CDH4: variants seen among roughly 807,000 people sequenced by gnomAD.
CDH4 encodes cadherin-4.
Under a neutral mutation model 86.0 loss-of-function variants are expected in CDH4, and 33 were observed. The observed-to-expected ratio is 0.38, with a 90% CI of 0.29 to 0.51. CDH4 has a LOEUF of 0.51. CDH4 is among the 20% of genes least tolerant of loss of function. The probability of loss-of-function intolerance (pLI) is 0.86; values close to 1 mark genes in which losing one functional copy is unlikely to be tolerated. For synonymous variants in CDH4, 555 were observed against 549.4 expected (o/e 1.01, Z -0.14); for missense variants, 1,114 against 1,307.4 (o/e 0.85, Z 2.28).
intron 2 of CDH4, among the ~76,000 whole-genome samples, chr20:61,498,651 ATC>A (rs746891003): frequency 6.6e-6 from 1 of 152,202 alleles, no homozygotes; most frequent in South Asian, 2.1e-4. Context: ...GATCTCCAGA[ATC>A]TCTGTCCAGG....
At chr20:61,646,330 C>T (rs1423401950) in intron 2 of CDH4, among the ~76,000 whole-genome samples, 11 of 152,182 alleles carry the variant, frequency 7.2e-5, no homozygotes, top group Admixed American at 4.6e-4. Flanking sequence ...TTATTCAGCC[C>T]GCACCTGCTC....
intron 13 of CDH4, among the ~76,000 whole-genome samples, chr20:61,930,261 A>T (rs1203963517): frequency 2.6e-5 from 4 of 152,212 alleles, no homozygotes; most frequent in Non-Finnish European, 2.9e-5. Flanking sequence ...GGCTTGGGTC[A>T]CATGCACACC....
chr20:61,474,951 C>A (rs2085526252), intron 2 of CDH4, among the ~76,000 whole-genome samples: 1 of 152,258 alleles, frequency 6.6e-6, no homozygotes, highest in Non-Finnish European at 1.5e-5. Flanking sequence ...ATTTTAGAAA[C>A]CTGCTTCCTA....
chr20:61,761,553 C>T (rs1247498264), intron 3 of CDH4, among the ~76,000 whole-genome samples: 2 of 152,096 alleles, frequency 1.3e-5, no homozygotes, highest in East Asian at 1.9e-4. Flanking sequence ...AAACAGGAGC[C>T]GAAAATGCAC....
intron 2 of CDH4, among the ~76,000 whole-genome samples, chr20:61,667,846 C>T (rs944261): frequency 0.44 from 67,370 of 152,032 alleles, 15,945 homozygotes; most frequent in Non-Finnish European, 0.52. Context: ...GCAAGGAACT[C>T]GTTCTGAACA....
At chr20:61,748,125 A>G (rs1270135563) in intron 3 of CDH4, among the ~76,000 whole-genome samples, 1 of 152,002 alleles carries the variant, frequency 6.6e-6, no homozygotes, top group Admixed American at 6.6e-5. Context: ...ATTCCATGCC[A>G]TTGAATGATT....
intron 2 of CDH4, among the ~76,000 whole-genome samples, chr20:61,545,129 A>G (rs2086068594): frequency 1.3e-5 from 2 of 152,210 alleles, no homozygotes; most frequent in Admixed American, 6.5e-5. Flanking sequence ...TTCAGCAAAC[A>G]GAAGATCCCA....
In CDH4 at chr20:61,873,799, C is replaced by T. The variant is rs1354083242; in HGVS notation, c.949C>T (p.Arg317Trp). 1.2e-6 allele frequency: 2 copies of T among 1,613,962 alleles called. No individual in the cohort carries two copies. The highest frequency in any genetic ancestry group is 1.7e-6 in the Non-Finnish European group (2 of 1,180,034). Residue 317 changes from arginine to tryptophan, a missense_variant, in exon 7 of 16, where the codon CGG becomes TGG. Transcript: ENST00000614565. ...CACGGCCAACGGGATGGTGCGGTAC[C>T]GGATCGTGACCCAGACCCCACAGAG... is the stretch of plus-strand genomic sequence containing the variant. ...STTANGMVRY[R>W]IVTQTPQSPS...
At chr20:61,474,789 C>A (rs1237019124) in intron 2 of CDH4, among the ~76,000 whole-genome samples, 3 of 152,086 alleles carry the variant, frequency 2.0e-5, no homozygotes, top group East Asian at 1.9e-4. Context: ...TTAAGGAAAT[C>A]CCTGCTGTGG....
chr20:61,863,972 C>A (rs1354492741), intron 6 of CDH4, among the ~76,000 whole-genome samples: 3 of 152,260 alleles, frequency 2.0e-5, no homozygotes, highest in African/African-American at 7.2e-5. Context: ...CCCTGCCCCA[C>A]AATTCACATC....
chr20:61,716,361 G>A lies in CDH4; in HGVS notation c.170-27202G>A, dbSNP rs542796969. Reference sequence around the variant, plus strand: ...ACCTGTAAAGGGGTGGACGCTCCTCGCCTGTGAGCCTCCTCTTGGCTGGAG... The same window carrying A: ...ACCTGTAAAGGGGTGGACGCTCCTCACCTGTGAGCCTCCTCTTGGCTGGAG... On this transcript the variant is annotated intron_variant, in intron 2 of 15. Transcript: ENST00000614565. Among the ~76,000 whole-genome samples the A allele has an allele frequency of 3.3e-3, 500 of 150,040 alleles. 8 individuals carry two copies. The highest frequency in any genetic ancestry group is 0.03 in the South Asian group (126 of 4,206).
chr20:61,482,110 GCT>G (rs1188696188), intron 2 of CDH4, among the ~76,000 whole-genome samples: 2 of 152,118 alleles, frequency 1.3e-5, no homozygotes, highest in African/African-American at 4.8e-5. Context: ...TGGGCCCATT[GCT>G]CTCACGTATT....
At chr20:61,463,637 C>T (rs866958315) in intron 2 of CDH4, among the ~76,000 whole-genome samples, 2 of 152,182 alleles carry the variant, frequency 1.3e-5, no homozygotes, top group Admixed American at 1.3e-4. Flanking sequence ...GGCGGAGGGT[C>T]TCATGTTGAA....
intron 2 of CDH4, among the ~76,000 whole-genome samples, chr20:61,701,520 A>G (rs1200157121): frequency 1.3e-5 from 2 of 152,220 alleles, no homozygotes; most frequent in Non-Finnish European, 1.5e-5. Context: ...CGATCAGGAC[A>G]TGCCCATCCT....
intron 2 of CDH4, among the ~76,000 whole-genome samples, chr20:61,573,730 C>T (rs1234559777): frequency 1.3e-5 from 2 of 152,158 alleles, no homozygotes; most frequent in African/African-American, 4.8e-5. Flanking sequence ...GAGGAAGGGG[C>T]AACAGCCGAT....
intron 2 of CDH4, among the ~76,000 whole-genome samples, chr20:61,299,177 G>A (rs1157830965): frequency 6.6e-6 from 1 of 152,170 alleles, no homozygotes; most frequent in Non-Finnish European, 1.5e-5. Context: ...AAAAGAAGAG[G>A]AAACCGAATC....
chr20:61,795,416 AG>A (rs1275890202), intron 4 of CDH4, among the ~76,000 whole-genome samples: 2 of 152,088 alleles, frequency 1.3e-5, no homozygotes, highest in East Asian at 3.9e-4. Context: ...TCTGCCTTTA[AG>A]GAGCCCCCAG....
At chr20:61,253,739 G>A (rs983765115) in intron 1 of CDH4, among the ~76,000 whole-genome samples, 155 of 152,280 alleles carry the variant, frequency 1.0e-3, no homozygotes, top group Non-Finnish European at 1.9e-3. Context: ...GGGGGTAGAG[G>A]GGCGCCCTCC....
Position 61,811,328 on chromosome 20 carries a change from G to T in CDH4, c.577-33340G>T. 6.6e-6 allele frequency among the ~76,000 whole-genome samples: 1 copy of T among 152,324 alleles called. No individual in the cohort carries two copies. Among genetic ancestry groups the T allele is most frequent in the East Asian group, 1.9e-4 (1 of 5,176 alleles). On this transcript the variant is annotated intron_variant, in intron 4 of 15. Coordinates refer to ENST00000614565, the MANE Select transcript of CDH4 (RefSeq NM_001794.5). This position sits in a 1 kb window ranked among gnomAD's most constrained non-coding sequence, Gnocchi z 4.4. The stretch of plus-strand genomic sequence containing the variant: ...CAGCCCAAGACCGCCCTCATCGGGG[G>T]TGGGAATGAAATGCCCCTTCCCGGC...
Sources: allele counts gnomAD v4.1 joint callset (sites outside exome capture counted in the v4.1 genomes callset), GRCh38; gene constraint gnomAD v4.1.1; non-coding constraint Gnocchi (gnomAD v3.1); transcripts MANE v1.5; gene names NCBI Gene and HGNC (gene_info 2026-07-23, HGNC 2026-07-21).